JAM2: variants seen among roughly 807,000 people sequenced by gnomAD.
JAM2 encodes the protein junctional adhesion molecule B.
JAM2 carries 17 observed loss-of-function variants against 42.0 expected under a neutral mutation model. That is an observed-to-expected ratio of 0.40 (90% CI 0.28 to 0.61). JAM2 has a LOEUF of 0.61. JAM2 is among the 20% of genes least tolerant of loss of function. The pLI, the probability that JAM2 is intolerant of heterozygous loss-of-function variation, is 0.37. For synonymous variants in JAM2, 118 were observed against 128.6 expected (o/e 0.92, Z 0.56); for missense variants, 319 against 358.3 (o/e 0.89, Z 0.89).
intron 1 of JAM2, among the ~76,000 whole-genome samples, chr21:25,640,937 C>A (rs2123294807): frequency 6.6e-6 from 1 of 152,220 alleles, no homozygotes; most frequent in South Asian, 2.1e-4. Context: ...TCTAATACCA[C>A]AATACAATGA....
intron 1 of JAM2, among the ~76,000 whole-genome samples, chr21:25,656,238 G>A (rs764888926): frequency 1.3e-5 from 2 of 152,142 alleles, no homozygotes; most frequent in Non-Finnish European, 2.9e-5. Context: ...TCTTGCATTT[G>A]TTTAGTGGAG....
chr21:25,712,280 A>G lies in JAM2; in HGVS notation c.822-60A>G, dbSNP rs186880129. ...GAAGTAAAATTAACTAAAAGAGCAT[A>G]TATGTTCCAGATTGGAAGTGATAAT... On this transcript the variant is annotated intron_variant, in intron 8 of 9. Transcript: ENST00000480456. 41 of 1,119,914 alleles carry G rather than the reference A, an allele frequency of 3.7e-5. No homozygotes were observed. In the Middle Eastern group the frequency reaches 5.8e-4, roughly 16 times the overall value. 69.4% of individuals were successfully genotyped at this position (1,119,914 alleles called of 1,614,324 possible).
chr21:25,655,647 ATTTTTTT>A (rs536746237), intron 1 of JAM2, among the ~76,000 whole-genome samples: 1 of 90,784 alleles, frequency 1.1e-5, no homozygotes, highest in Admixed American at 1.4e-4. Flanking sequence ...CGCCCAGCTA[ATTTTTTT>A]TTTTTTTTTT....
At chr21:25,696,193 C>T (rs1029523061) in intron 4 of JAM2, among the ~76,000 whole-genome samples, 4 of 152,202 alleles carry the variant, frequency 2.6e-5, no homozygotes, top group Non-Finnish European at 5.9e-5. Flanking sequence ...GGAGACCAGC[C>T]TGGCCAACAT....
At chr21:25,689,658 G>A (rs1490622109) in intron 2 of JAM2, among the ~76,000 whole-genome samples, 2 of 152,094 alleles carry the variant, frequency 1.3e-5, no homozygotes, top group Non-Finnish European at 2.9e-5. Context: ...TGATAACCAG[G>A]GAAATAAGCA....
chr21:25,650,455 C>T (rs576815879), intron 1 of JAM2, among the ~76,000 whole-genome samples: 4 of 152,180 alleles, frequency 2.6e-5, no homozygotes, highest in Non-Finnish European at 5.9e-5. Flanking sequence ...ATGTAAGAAT[C>T]TCAGCTCCAT....
At chr21:25,673,421 A>C (rs568990017) in intron 1 of JAM2, among the ~76,000 whole-genome samples, 22 of 152,210 alleles carry the variant, frequency 1.4e-4, no homozygotes, top group Admixed American at 3.9e-4. Context: ...TAAGTTGTCG[A>C]AGAACCAGAA....
rs778266871 is a variant in JAM2 at position 25,639,625 on chromosome 21, C to T, written c.-197C>T. The T allele has an allele frequency of 1.3e-5, 7 of 535,682 alleles. No individual in the cohort carries two copies. In the African/African-American group the frequency reaches 1.4e-4, roughly 11 times the overall value. The allele number at this position is 535,682 out of a possible 1,614,324, so 33.2% of individuals were successfully genotyped here. On this transcript the variant is annotated 5_prime_UTR_variant, in exon 1 of 10. Coordinates refer to ENST00000480456, the MANE Select transcript of JAM2 (RefSeq NM_021219.4). Reference sequence around the variant, plus strand: ...ACCCCCATCCCTGGGCTGGAGGACCCGCCTCTTGGCAGCCAGCTGAGAAGG... The same window carrying T: ...ACCCCCATCCCTGGGCTGGAGGACCTGCCTCTTGGCAGCCAGCTGAGAAGG...
chr21:25,663,487 A>G (rs2040123), intron 1 of JAM2, among the ~76,000 whole-genome samples: 68,069 of 152,008 alleles, frequency 0.45, 19,056 homozygotes, highest in African/African-American at 0.78. Context: ...TAGCAGTATT[A>G]AGAGGTAGGG....
rs1303201647 is a variant in JAM2 at position 25,686,729 on chromosome 21, G to A, written c.133+2781G>A. Among the ~76,000 whole-genome samples the A allele has an allele frequency of 2.0e-5, 3 of 152,270 alleles. No individual in the cohort carries two copies. The East Asian group carries it at 5.8e-4, about 29-fold the overall frequency. On this transcript the variant is annotated intron_variant, in intron 2 of 9. Coordinates refer to ENST00000480456, the MANE Select transcript of JAM2 (RefSeq NM_021219.4). ...TTTCTGCTAAGTCAGAGCTATTTTG[G>A]TAGTATCAATTCTCTTTTTGTGTTA...
chr21:25,689,188 T>C (rs2033821388), intron 2 of JAM2, among the ~76,000 whole-genome samples: 1 of 152,226 alleles, frequency 6.6e-6, no homozygotes, highest in Admixed American at 6.5e-5. Flanking sequence ...TTAATAATTA[T>C]CTGGACTGAG....
At chr21:25,714,077 C>CG (rs2034434452) in intron 9 of JAM2, among the ~76,000 whole-genome samples, 1 of 152,220 alleles carries the variant, frequency 6.6e-6, no homozygotes, top group Non-Finnish European at 1.5e-5. Context: ...CACCAGATGC[C>CG]GGGGCATCCT....
intron 1 of JAM2, among the ~76,000 whole-genome samples, chr21:25,662,273 G>T (rs556158920): frequency 2.0e-5 from 3 of 151,404 alleles, no homozygotes; most frequent in Admixed American, 6.6e-5. Flanking sequence ...TCAGCCTCCC[G>T]AGTAGCTGAG....
intron 5 of JAM2, among the ~76,000 whole-genome samples, chr21:25,699,592 G>A (rs530717532): frequency 3.3e-5 from 5 of 151,838 alleles, no homozygotes; most frequent in South Asian, 2.1e-4. Flanking sequence ...GCGTGGTGGC[G>A]GGCGCCTGTA....
chr21:25,645,668 G>A (rs182223886), intron 1 of JAM2, among the ~76,000 whole-genome samples: 13 of 152,222 alleles, frequency 8.5e-5, no homozygotes, highest in Middle Eastern at 3.4e-3. Flanking sequence ...CTAATGATGC[G>A]ATGTGTTCTG....
intron 8 of JAM2, chr21:25,712,137 G>A (rs1472761404): frequency 6.7e-6 from 4 of 599,722 alleles, no homozygotes; most frequent in Admixed American, 2.4e-5. Context: ...GCTTCACACT[G>A]ATGTTTTGTT....
intron 1 of JAM2, among the ~76,000 whole-genome samples, chr21:25,677,717 CG>C (rs1288738554): frequency 6.6e-6 from 1 of 152,074 alleles, no homozygotes; most frequent in African/African-American, 2.4e-5. Context: ...TATTTTGCCC[CG>C]AGGTTTTCCT....
chr21:25,672,764 A>G (rs1230909289), intron 1 of JAM2, among the ~76,000 whole-genome samples: 3 of 152,164 alleles, frequency 2.0e-5, no homozygotes, highest in Non-Finnish European at 4.4e-5. Context: ...TCTCTTTGCC[A>G]TTACGCCAAG....
intron 1 of JAM2, among the ~76,000 whole-genome samples, chr21:25,677,936 A>G (rs190497359): frequency 6.6e-6 from 1 of 152,260 alleles, no homozygotes; most frequent in African/African-American, 2.4e-5. Flanking sequence ...CACTGGCAAA[A>G]ATGTTCAGAG....
Sources: allele counts gnomAD v4.1 joint callset (sites outside exome capture counted in the v4.1 genomes callset), GRCh38; gene constraint gnomAD v4.1.1; transcripts MANE v1.5; gene names NCBI Gene and HGNC (gene_info 2026-07-23, HGNC 2026-07-21).